CNTNAP2: variants seen among roughly 807,000 people sequenced by gnomAD.
CNTNAP2 encodes the protein contactin associated protein 2, also known as contactin-associated protein-like 2.
In CNTNAP2, 98 loss-of-function variants were observed where a neutral mutation model predicts 155.2. That is an observed-to-expected ratio of 0.63 (90% CI 0.54 to 0.75). The LOEUF (loss-of-function observed/expected upper bound fraction) is 0.75, where lower values mean the gene tolerates loss of function less well. Ranked by LOEUF, CNTNAP2 falls within the 30% of genes least tolerant of loss-of-function variation. CNTNAP2 has a pLI of 0.00. For synonymous variants in CNTNAP2, 651 were observed against 631.2 expected (o/e 1.03, Z -0.47); for missense variants, 1,727 against 1,688.1 (o/e 1.02, Z -0.40).
chr7:146,667,068 G>T, intron 1 of CNTNAP2, among the ~76,000 whole-genome samples: 1 of 152,160 alleles, frequency 6.6e-6, no homozygotes. Flanking sequence ...TTCCAGACCA[G>T]TGTCTTGAAG....
chr7:146,460,118 C>A (rs1423312992), intron 1 of CNTNAP2, among the ~76,000 whole-genome samples: 4 of 152,168 alleles, frequency 2.6e-5, no homozygotes, highest in Non-Finnish European at 4.4e-5. Context: ...CTGGCCAAAT[C>A]TCAGGAGAAT....
At chr7:146,497,620 C>T (rs1309264537) in intron 1 of CNTNAP2, among the ~76,000 whole-genome samples, 2 of 151,810 alleles carry the variant, frequency 1.3e-5, no homozygotes, top group African/African-American at 4.8e-5. Flanking sequence ...AAATTCTTAC[C>T]TTTCTAGTGT....
chr7:147,539,280 A>C (rs1346705968), intron 11 of CNTNAP2, among the ~76,000 whole-genome samples: 2 of 152,172 alleles, frequency 1.3e-5, no homozygotes, highest in Non-Finnish European at 2.9e-5. Context: ...CAATAAGTAC[A>C]AGACTCTCTA....
chr7:147,940,352 A>C (rs1444656288), intron 14 of CNTNAP2: 2 of 149,700 alleles, frequency 1.3e-5, no homozygotes, highest in Non-Finnish European at 3.0e-5. Flanking sequence ...TTACACCCTA[A>C]CTTACCAATA....
intron 1 of CNTNAP2, among the ~76,000 whole-genome samples, chr7:146,253,882 C>A (rs920182513): frequency 1.4e-5 from 2 of 147,316 alleles, no homozygotes; most frequent in Non-Finnish European, 2.9e-5. Context: ...CATAGTGCAA[C>A]CCTGTCACTA....
intron 3 of CNTNAP2, among the ~76,000 whole-genome samples, chr7:146,873,986 T>G (rs1289957675): frequency 6.6e-6 from 1 of 152,068 alleles, no homozygotes; most frequent in Admixed American, 6.6e-5. Context: ...GGGCACCAAA[T>G]TAAGTCGGAA....
chr7:146,681,165 G>A (rs983812549), intron 1 of CNTNAP2, among the ~76,000 whole-genome samples: 5 of 151,484 alleles, frequency 3.3e-5, no homozygotes, highest in Non-Finnish European at 5.9e-5. Context: ...AAAAATGATT[G>A]TTTATTGCAG....
At chr7:147,924,024 C>T (rs1800334657) in intron 14 of CNTNAP2, among the ~76,000 whole-genome samples, 1 of 152,212 alleles carries the variant, frequency 6.6e-6, no homozygotes, top group Non-Finnish European at 1.5e-5. Flanking sequence ...CCAGCACATT[C>T]CTAATGTGGT....
chr7:146,715,286 C>T (rs1484306766), intron 1 of CNTNAP2, among the ~76,000 whole-genome samples: 2 of 152,054 alleles, frequency 1.3e-5, no homozygotes, highest in Non-Finnish European at 2.9e-5. Flanking sequence ...GAGCAGAGAT[C>T]GTGCCATTGC....
At chr7:148,204,225 G>A (rs924425463) in intron 18 of CNTNAP2, among the ~76,000 whole-genome samples, 4 of 152,200 alleles carry the variant, frequency 2.6e-5, no homozygotes, top group African/African-American at 9.7e-5. Flanking sequence ...CTCTAAAGAA[G>A]GCAGAAGGCT....
chr7:146,440,821 T>TA (rs1796310226), intron 1 of CNTNAP2, among the ~76,000 whole-genome samples: 1 of 151,650 alleles, frequency 6.6e-6, no homozygotes, highest in African/African-American at 2.4e-5. Context: ...ATAATTATTA[T>TA]TTTACATAAA....
In CNTNAP2 at chr7:147,331,448, C is replaced by G. The variant is rs138500576; in HGVS notation, c.1498+31158C>G. ...ATATAATTGGGTAAATAGGTCTAAA[C>G]TTCAGAAGAGATAATTTGGGAGCAC... On this transcript the variant is annotated intron_variant, in intron 9 of 23. Transcript: ENST00000361727. Among the ~76,000 whole-genome samples the G allele has an allele frequency of 6.6e-4, 101 of 152,170 alleles. 1 individual carries two copies. The East Asian group carries it at 0.016, about 24-fold the overall frequency.
At chr7:146,591,428 A>G (rs1289809861) in intron 1 of CNTNAP2, among the ~76,000 whole-genome samples, 1 of 8,884 alleles carries the variant, frequency 1.1e-4, no homozygotes, top group Non-Finnish European at 2.8e-4. Context: ...TGAGAAATGT[A>G]AAATAATTGA....
At chr7:146,711,327 ATG>A (rs1563198577) in intron 1 of CNTNAP2, among the ~76,000 whole-genome samples, 1 of 147,008 alleles carries the variant, frequency 6.8e-6, no homozygotes, top group Non-Finnish European at 1.5e-5. Flanking sequence ...TGTATAATAT[ATG>A]TACATATATG....
chr7:146,879,740 G>A (rs1795501616), intron 3 of CNTNAP2, among the ~76,000 whole-genome samples: 2 of 152,080 alleles, frequency 1.3e-5, no homozygotes, highest in East Asian at 1.9e-4. Flanking sequence ...CTCACGGTCA[G>A]TGCTCAGTGA....
intron 14 of CNTNAP2, among the ~76,000 whole-genome samples, chr7:147,966,440 T>G (rs1801211643): frequency 6.6e-6 from 1 of 152,078 alleles, no homozygotes; most frequent in Non-Finnish European, 1.5e-5. Flanking sequence ...GTACAGAAAG[T>G]AAATTAGATA....
At chr7:148,372,486 C>T (rs1489802576) in intron 21 of CNTNAP2, among the ~76,000 whole-genome samples, 4 of 151,990 alleles carry the variant, frequency 2.6e-5, no homozygotes, top group Non-Finnish European at 4.4e-5. Context: ...GGAGGGTAGA[C>T]CACTTGAGGT....
intron 1 of CNTNAP2, among the ~76,000 whole-genome samples, chr7:146,543,104 TG>T (rs2129141340): frequency 6.6e-6 from 1 of 152,038 alleles, no homozygotes; most frequent in South Asian, 2.1e-4. Flanking sequence ...GATAATGCAA[TG>T]TTAATTACCC....
chr7:146,355,432 A>G (rs1404069628), intron 1 of CNTNAP2, among the ~76,000 whole-genome samples: 1 of 152,206 alleles, frequency 6.6e-6, no homozygotes, highest in East Asian at 1.9e-4. Flanking sequence ...ATTCAAGTCC[A>G]TAAAGTCCCC....
Sources: allele counts gnomAD v4.1 joint callset (sites outside exome capture counted in the v4.1 genomes callset), GRCh38; gene constraint gnomAD v4.1.1; transcripts MANE v1.5; gene names NCBI Gene and HGNC (gene_info 2026-07-23, HGNC 2026-07-21).